Variants in TPD52 observed in about 807,000 individuals in gnomAD.
TPD52 encodes prostate and colon associated protein.
Under a neutral mutation model 31.3 loss-of-function variants are expected in TPD52, and 17 were observed. That is an observed-to-expected ratio of 0.54 (90% confidence interval 0.37 to 0.82). The LOEUF is 0.82. TPD52 is among the 40% of genes least tolerant of loss of function. TPD52 has a pLI of 0.00. For missense variants in TPD52, 212 were observed against 240.1 expected (o/e 0.88, Z 0.77); for synonymous variants, 83 against 89.6 (o/e 0.93, Z 0.42).
chr8:80,072,994 C>T (rs1456887553), intron 1 of TPD52, among the ~76,000 whole-genome samples: 1 of 151,862 alleles, frequency 6.6e-6, no homozygotes, highest in African/African-American at 2.4e-5. Flanking sequence ...ATCCCATCTA[C>T]TTGGGAGGCT....
At chr8:80,140,506 A>G (rs1809754856) in intron 1 of TPD52, among the ~76,000 whole-genome samples, 1 of 152,216 alleles carries the variant, frequency 6.6e-6, no homozygotes, top group African/African-American at 2.4e-5. Context: ...TCTCCAAGCC[A>G]TTAATGACCT....
At chr8:80,080,344 G>A (rs1307773689) in intron 1 of TPD52, 3 of 1,614,160 alleles carry the variant, frequency 1.9e-6, no homozygotes, top group South Asian at 1.1e-5. Flanking sequence ...TGATCCGGGT[G>A]GAGATGAATT....
At chr8:80,057,864 G>A (rs1055983085) in intron 2 of TPD52, among the ~76,000 whole-genome samples, 11 of 152,054 alleles carry the variant, frequency 7.2e-5, no homozygotes, top group Non-Finnish European at 1.3e-4. Context: ...TAAAGAAAAT[G>A]AAAAGGAAAA....
intron 1 of TPD52, among the ~76,000 whole-genome samples, chr8:80,142,658 T>C (rs1586384782): frequency 1.3e-5 from 2 of 152,204 alleles, no homozygotes; most frequent in South Asian, 2.1e-4. Context: ...GTGGAGATCA[T>C]GTCACTGTAC....
At chr8:80,055,748 A>G (rs192172781) in intron 2 of TPD52, among the ~76,000 whole-genome samples, 6 of 152,244 alleles carry the variant, frequency 3.9e-5, no homozygotes, top group Admixed American at 6.5e-5. Context: ...GACATTTCTC[A>G]GAAGAGACAT....
intron 1 of TPD52, among the ~76,000 whole-genome samples, chr8:80,120,318 G>A (rs1041849621): frequency 4.6e-5 from 7 of 152,080 alleles, no homozygotes; most frequent in Non-Finnish European, 1.0e-4. Context: ...GCAAAACCCT[G>A]TCTCTACTGA....
At position 80,171,452 on chromosome 8, in the gene TPD52, C is replaced by T; in HGVS notation, c.-9G>A. On this transcript the variant is annotated 5_prime_UTR_variant, in exon 1 of 8. Transcript: ENST00000518937. ...TGCTCGCCGCGGTCCATGTCTCCAG[C>T]CCGCCGCCTCGTGTCCTCTGCAGCA... 1 of 1,590,828 alleles carries T rather than the reference C, an allele frequency of 6.3e-7. No individual in the cohort carries two copies. The highest frequency in any genetic ancestry group is 8.5e-7 in the Non-Finnish European group (1 of 1,176,678).
intron 1 of TPD52, among the ~76,000 whole-genome samples, chr8:80,162,125 G>A (rs895567509): frequency 6.6e-6 from 1 of 152,090 alleles, no homozygotes; most frequent in Admixed American, 6.5e-5. Flanking sequence ...TTAATAGCCT[G>A]TCTGAAATCA....
chr8:80,059,804 A>G (rs1199757029), intron 2 of TPD52, among the ~76,000 whole-genome samples: 1 of 152,142 alleles, frequency 6.6e-6, no homozygotes, highest in East Asian at 1.9e-4. Flanking sequence ...CAGTGAGACG[A>G]GATCGCACCA....
At chr8:80,137,592 C>T (rs1167827267) in intron 1 of TPD52, among the ~76,000 whole-genome samples, 1 of 152,114 alleles carries the variant, frequency 6.6e-6, no homozygotes, top group Non-Finnish European at 1.5e-5. Flanking sequence ...AGAAATGGGT[C>T]TAGGCTAAGA....
intron 2 of TPD52, among the ~76,000 whole-genome samples, chr8:80,055,736 T>C (rs911671911): frequency 3.9e-5 from 6 of 152,120 alleles, no homozygotes; most frequent in Non-Finnish European, 5.9e-5. Flanking sequence ...AGGATCTAAA[T>C]AGACATTTCT....
chr8:80,149,407 G>A (rs971178190), intron 1 of TPD52, among the ~76,000 whole-genome samples: 10 of 152,174 alleles, frequency 6.6e-5, no homozygotes, highest in African/African-American at 2.4e-4. Flanking sequence ...AGTCAATTAA[G>A]CCTCTTTCTT....
intron 1 of TPD52, among the ~76,000 whole-genome samples, chr8:80,074,808 AT>A (rs576297971): frequency 1.4e-4 from 21 of 152,180 alleles, no homozygotes; most frequent in Non-Finnish European, 2.8e-4. Context: ...TAAGGCTGGA[AT>A]TTTCCCATGT....
chr8:80,167,644 T>C (rs1280817969), intron 1 of TPD52, among the ~76,000 whole-genome samples: 1 of 152,198 alleles, frequency 6.6e-6, no homozygotes, highest in African/African-American at 2.4e-5. Flanking sequence ...TTCTCTACAT[T>C]TGCTTTATTT....
intron 1 of TPD52, among the ~76,000 whole-genome samples, chr8:80,147,838 G>GCACACACACA (rs146918401): frequency 6.8e-6 from 1 of 148,068 alleles, no homozygotes; most frequent in African/African-American, 2.5e-5. Context: ...ACACACACAC[G>GCACACACACA]CACACACACA....
intron 1 of TPD52, among the ~76,000 whole-genome samples, chr8:80,155,001 G>GTTT (rs201457391): frequency 5.0e-5 from 7 of 139,472 alleles, no homozygotes; most frequent in Admixed American, 1.4e-4. Context: ...TTGGTTTTTT[G>GTTT]TTTTTTTTTT....
At chr8:80,034,161 G>T (rs1347816762), downstream of TPD52, among the ~76,000 whole-genome samples, 1 of 152,154 alleles carries the variant, frequency 6.6e-6, no homozygotes, top group Non-Finnish European at 1.5e-5. Flanking sequence ...CCCTGAGGAT[G>T]CACACACCTG....
At chr8:80,081,156 C>CTTTTT (rs5892705) in intron 1 of TPD52, among the ~76,000 whole-genome samples, 1 of 109,394 alleles carries the variant, frequency 9.1e-6, no homozygotes, top group Non-Finnish European at 1.8e-5. Flanking sequence ...TTTTCTCTCT[C>CTTTTT]TTTTTTTTTT....
At chr8:80,083,120 C>T (rs1036886048) in intron 1 of TPD52, among the ~76,000 whole-genome samples, 7 of 151,584 alleles carry the variant, frequency 4.6e-5, no homozygotes, top group African/African-American at 1.7e-4. Flanking sequence ...AACTGAAAGA[C>T]ATACAAAATG....
Sources: allele counts gnomAD v4.1 joint callset (sites outside exome capture counted in the v4.1 genomes callset), GRCh38; gene constraint gnomAD v4.1.1; transcripts MANE v1.5; gene names NCBI Gene and HGNC (gene_info 2026-07-23, HGNC 2026-07-21).